MAP3K2: variants seen among roughly 807,000 people sequenced by gnomAD.
The protein encoded by MAP3K2 is mitogen-activated protein kinase kinase kinase 2.
In MAP3K2, 24 loss-of-function variants were observed where a neutral mutation model predicts 80.3. That is an observed-to-expected ratio of 0.30 (90% CI 0.22 to 0.42). The LOEUF is 0.42. Ranked by LOEUF, MAP3K2 falls within the 10% of genes least tolerant of loss-of-function variation. MAP3K2 has a pLI of 1.00. For missense variants in MAP3K2, 608 were observed against 750.1 expected, an observed-to-expected ratio of 0.81 and a Z score of 2.21; for synonymous variants, 244 against 253.7, an observed-to-expected ratio of 0.96 and a Z score of 0.36.
At position 127,307,674 on chromosome 2, in the gene MAP3K2, A is replaced by G. The variant is rs373484478; in HGVS notation, c.1765T>C (p.Tyr589His). Residue 589 changes from tyrosine (Y) to histidine (H), a missense_variant, in exon 17 of 17, where the codon TAT (tyrosine) becomes CAT (histidine). Transcript: ENST00000682094. The surrounding 1 kb of genome is among the most constrained non-coding windows in gnomAD (Gnocchi z 5.4). Reference sequence around the variant, plus strand: ...ATCCGTTTGAGGAAATCTCGAGTATAGTCTGAGACATGAGGTGGCAGCTTT... The same window carrying G: ...ATCCGTTTGAGGAAATCTCGAGTATGGTCTGAGACATGAGGTGGCAGCTTT... ...NPKLPPHVSDYTRDFLKRIFV... is the reference protein window; with the variant it reads ...NPKLPPHVSDHTRDFLKRIFV... 7.3e-5 allele frequency: 116 copies of G among 1,594,574 alleles called. No homozygotes were observed. Among genetic ancestry groups the G allele is most frequent in the Non-Finnish European group, 8.9e-5 (104 of 1,169,844 alleles).
rs1221599908 is a variant in MAP3K2 at position 127,321,011 on chromosome 2, T to C, written c.1045+1035A>G. ...GGTGCATGCCTGTAGTGCCAGATACTTGGGAGTTTGAAGTGGGAGGATTGC... is the reference window on the plus strand; with the variant it reads ...GGTGCATGCCTGTAGTGCCAGATACCTGGGAGTTTGAAGTGGGAGGATTGC... On this transcript the variant is annotated intron_variant, in intron 12 of 16. Transcript: ENST00000682094. This position sits in a 1 kb window ranked among gnomAD's most constrained non-coding sequence, Gnocchi z 4.4. 6.6e-6 allele frequency among the ~76,000 whole-genome samples: 1 copy of C among 152,094 alleles called. No homozygotes were observed. Among genetic ancestry groups the C allele is most frequent in the Non-Finnish European group, 1.5e-5 (1 of 68,008 alleles).
rs367985321 is a variant in MAP3K2 at position 127,308,589 on chromosome 2, T to C, written c.1630A>G (p.Ile544Val). The C allele has an allele frequency of 1.3e-5, 20 of 1,553,216 alleles. No individual in the cohort carries two copies. In the African/African-American group the frequency reaches 2.4e-4, roughly 19 times the overall value. The change falls in exon 16 of 17, where the codon ATC becomes GTC. Residue 544 changes from isoleucine to valine, a missense_variant. Transcript: ENST00000682094. Reference protein sequence around the residue: ...SGEGYGRKADIWSVACTVVEM... With the variant: ...SGEGYGRKADVWSVACTVVEM... ...AAACTTCGTATCAAAACCTACCAGA[T>C]GTCTGCTTTTCTTCCATAGCCTTCT...
chr2:127,367,585 G>A (rs1200477144), intron 1 of MAP3K2, among the ~76,000 whole-genome samples: 1 of 152,082 alleles, frequency 6.6e-6, no homozygotes, highest in Non-Finnish European at 1.5e-5. Context: ...CTGAGGTCAG[G>A]AGTTTGAGAC....
In MAP3K2 at chr2:127,387,457, G is replaced by A. The variant is rs1687386412; in HGVS notation, c.-71C>T. ...GCACGCACACACGCACGTACCGGCT[G>A]CTCCGCAGGGACGTAGAGAGCCGCA... On this transcript the variant is annotated 5_prime_UTR_variant, in exon 1 of 17. Transcript: ENST00000682094. The A allele has an allele frequency of 7.1e-6, 7 of 980,854 alleles. No homozygotes were observed. Among genetic ancestry groups the A allele is most frequent in the Non-Finnish European group, 8.4e-6 (7 of 830,090 alleles). 60.8% of individuals were successfully genotyped at this position (980,854 alleles called of 1,614,324 possible). A position where few individuals can be genotyped will look rare whatever the true frequency, so the allele number is the denominator to read the frequency against.
At chr2:127,385,932 CA>C (rs1356359517) in intron 1 of MAP3K2, among the ~76,000 whole-genome samples, 1 of 152,158 alleles carries the variant, frequency 6.6e-6, no homozygotes, top group East Asian at 1.9e-4. Flanking sequence ...GCTAGTTTCT[CA>C]AAAGAGGCAC....
At position 127,364,572 on chromosome 2, in the gene MAP3K2, A is replaced by C. The variant is rs1686940466; in HGVS notation, c.-65-21378T>G. Among the ~76,000 whole-genome samples, 1 of 152,156 alleles carries C rather than the reference A, an allele frequency of 6.6e-6. No individual in the cohort carries two copies. Among genetic ancestry groups the C allele is most frequent in the Admixed American group, 6.5e-5 (1 of 15,276 alleles). ...TACCACCTAACCCTGGCTACACTGG[A>C]ATGACAGCACTTGCCATCTCTCCAC... On this transcript the variant is annotated intron_variant, in intron 1 of 16. Transcript: ENST00000682094. The surrounding 1 kb of genome is among the most constrained non-coding windows in gnomAD (Gnocchi z 4.1).
chr2:127,319,326 G>A (rs989586071), intron 12 of MAP3K2, among the ~76,000 whole-genome samples: 3 of 151,958 alleles, frequency 2.0e-5, no homozygotes, highest in East Asian at 1.9e-4. Context: ...TCCTACTCCC[G>A]GAAGGTGGGC....
At chr2:127,347,779 C>T (rs556352200) in intron 1 of MAP3K2, among the ~76,000 whole-genome samples, 4 of 152,060 alleles carry the variant, frequency 2.6e-5, no homozygotes, top group Admixed American at 2.6e-4. Flanking sequence ...TGAATAGCCA[C>T]AACAATACTG....
rs116129493 is a variant in MAP3K2, at chr2:127,311,837, G to A, written c.1456+2917C>T. The stretch of plus-strand genomic sequence containing the variant: ...AATCCAAATGAAGTCCATACATTGG[G>A]AGTCACTGATAAATCTTCTAAGTCT... On this transcript the variant is annotated intron_variant, in intron 15 of 16. Coordinates refer to ENST00000682094, the MANE Select transcript of MAP3K2 (RefSeq NM_001371910.2). 2.3e-3 allele frequency among the ~76,000 whole-genome samples: 354 copies of A among 151,962 alleles called. 1 individual carries two copies. The highest frequency in any genetic ancestry group is 7.8e-3 in the African/African-American group (321 of 41,406).
At chr2:127,333,727 A>G (rs1437986510) in intron 5 of MAP3K2, among the ~76,000 whole-genome samples, 5 of 151,968 alleles carry the variant, frequency 3.3e-5, no homozygotes, top group African/African-American at 1.2e-4. Flanking sequence ...ACTCACAGAA[A>G]TCCTTCAGAA....
chr2:127,318,335 C>A lies in MAP3K2; in HGVS notation c.1046-18G>T, dbSNP rs762082464. On this transcript the variant is annotated intron_variant, in intron 12 of 16. Transcript: ENST00000682094. ...TCGAGGTGCTGAAAAAGAACACTTT[C>A]TTAAAGTGAAATATCAAACAGCACA... 6.4e-7 allele frequency: 1 copy of A among 1,555,778 alleles called. No homozygotes were observed. The highest frequency in any genetic ancestry group is 8.7e-7 in the Non-Finnish European group (1 of 1,153,988).
intron 3 of MAP3K2, among the ~76,000 whole-genome samples, chr2:127,338,183 C>T (rs931259953): frequency 6.6e-6 from 1 of 152,052 alleles, no homozygotes; most frequent in Non-Finnish European, 1.5e-5. Context: ...CAAAACAAAA[C>T]ACAATTTGCT....
intron 1 of MAP3K2, among the ~76,000 whole-genome samples, chr2:127,353,333 C>A (rs184679761): frequency 6.6e-6 from 1 of 151,212 alleles, no homozygotes; most frequent in Non-Finnish European, 1.5e-5. Flanking sequence ...ATGTGAGGAG[C>A]GCCTCCGCCC....
chr2:127,383,851 T>C (rs911455523), intron 1 of MAP3K2, among the ~76,000 whole-genome samples: 1 of 149,572 alleles, frequency 6.7e-6, no homozygotes, highest in Non-Finnish European at 1.5e-5. Context: ...GATGTTCTTC[T>C]AGCATTTTTT....
intron 1 of MAP3K2, among the ~76,000 whole-genome samples, chr2:127,376,465 T>G (rs543454196): frequency 8.6e-5 from 13 of 152,020 alleles, no homozygotes; most frequent in African/African-American, 3.1e-4. Context: ...CTCCTTGGTG[T>G]CTGTGGGTGG....
intron 1 of MAP3K2, among the ~76,000 whole-genome samples, chr2:127,378,521 T>A (rs1267566008): frequency 6.6e-6 from 1 of 152,140 alleles, no homozygotes; most frequent in South Asian, 2.1e-4. Context: ...TGTAACATAA[T>A]TTTTTATGAT....
chr2:127,387,883 C>A lies in MAP3K2; in HGVS notation c.-497G>T. ...TCGTCGCCGCCGCGGGCCGTGCAAC[C>A]CCCGAACGCTGCGCCCAGCGGCCGC... is the stretch of plus-strand genomic sequence containing the variant. On this transcript the variant is annotated 5_prime_UTR_variant, in exon 1 of 17. Coordinates refer to ENST00000682094, the MANE Select transcript of MAP3K2 (RefSeq NM_001371910.2). 1 of 982,182 alleles carries A rather than the reference C, an allele frequency of 1.0e-6. No individual in the cohort carries two copies. Among genetic ancestry groups the A allele is most frequent in the East Asian group, 1.1e-4 (1 of 8,732 alleles). The allele number at this position is 982,182 out of a possible 1,614,324, so 60.8% of individuals were successfully genotyped here.
At position 127,387,839 on chromosome 2, in the gene MAP3K2, A is replaced by G. The variant is rs1013328070; in HGVS notation, c.-453T>C. 1.0e-6 allele frequency: 1 copy of G among 984,670 alleles called. No homozygotes were observed. Among genetic ancestry groups the G allele is most frequent in the Non-Finnish European group, 1.2e-6 (1 of 829,664 alleles). 61.0% of individuals were successfully genotyped at this position (984,670 alleles called of 1,614,324 possible). On this transcript the variant is annotated 5_prime_UTR_variant, in exon 1 of 17. Coordinates refer to ENST00000682094, the MANE Select transcript of MAP3K2 (RefSeq NM_001371910.2). ...GGCGACTCTGCGGACAGGGGCGCCGAGCGTCCTGGTCGTTGTTTTCGTCGC... is the reference window on the plus strand; with the variant it reads ...GGCGACTCTGCGGACAGGGGCGCCGGGCGTCCTGGTCGTTGTTTTCGTCGC...
At chr2:127,372,227 A>G (rs1687077773) in intron 1 of MAP3K2, among the ~76,000 whole-genome samples, 1 of 152,136 alleles carries the variant, frequency 6.6e-6, no homozygotes, top group Non-Finnish European at 1.5e-5. Flanking sequence ...GTTATGATGG[A>G]ATGTAAAGGT....
Sources: gnomAD v4.1 joint callset for allele counts (sites outside exome capture counted in the v4.1 genomes callset) on GRCh38, gnomAD v4.1.1 for gene constraint, Gnocchi (gnomAD v3.1) non-coding constraint, MANE v1.5 for transcripts, NCBI Gene and HGNC (gene_info 2026-07-23, HGNC 2026-07-21) for gene names.